BCL6: variants seen among roughly 807,000 people sequenced by gnomAD.
The protein encoded by BCL6 is B-cell lymphoma 6 protein.
BCL6 carries 7 observed loss-of-function variants against 59.5 expected under a neutral mutation model. The observed-to-expected ratio is 0.12, with a 90% CI of 0.07 to 0.22. The LOEUF (loss-of-function observed/expected upper bound fraction) is 0.22. Ranked by LOEUF, BCL6 falls within the 10% of genes least tolerant of loss-of-function variation. The pLI, the probability that BCL6 is intolerant of heterozygous loss-of-function variation, is 1.00. For synonymous variants in BCL6, 339 were observed against 349.7 expected (o/e 0.97, Z 0.34); for missense variants, 685 against 939.4 (o/e 0.73, Z 3.54).
At chr3:187,744,988 G>C (rs1576886088) in intron 1 of BCL6, among the ~76,000 whole-genome samples, 3 of 151,726 alleles carry the variant, frequency 2.0e-5, no homozygotes, top group East Asian at 2.0e-4. Context: ...CCCAAGCACT[G>C]TCTCGTCCTC....
intron 1 of BCL6, among the ~76,000 whole-genome samples, chr3:187,745,131 A>G (rs981864387): frequency 2.0e-5 from 3 of 152,234 alleles, no homozygotes; most frequent in South Asian, 2.1e-4. Context: ...AATAATAATA[A>G]TAAATACATA....
rs947567670 is a variant in BCL6, at chr3:187,735,828, TC to T, written c.-49-922del. 2.0e-5 allele frequency among the ~76,000 whole-genome samples: 3 copies of T among 151,178 alleles called. 1 individual carries two copies. The highest frequency in any genetic ancestry group is 4.4e-5 in the Non-Finnish European group (3 of 67,808). On this transcript the variant is annotated intron_variant, in intron 1 of 9. Transcript: ENST00000406870. ...AAATAAAACAATATTTGAACTGTCT[TC>T]CCCCCTTTAAAAAAAAAAAAGCAGA... is the stretch of plus-strand genomic sequence containing the variant.
intron 1 of BCL6, among the ~76,000 whole-genome samples, chr3:187,742,303 A>T (rs1199097978): frequency 6.6e-6 from 1 of 152,202 alleles, no homozygotes; most frequent in Admixed American, 6.5e-5. Flanking sequence ...GGGTTTTGAC[A>T]TCTAGCCGTG....
chr3:187,743,419 A>T (rs890459960), intron 1 of BCL6, among the ~76,000 whole-genome samples: 1 of 151,934 alleles, frequency 6.6e-6, no homozygotes, highest in African/African-American at 2.4e-5. Context: ...GACTTTCAGC[A>T]CCTGGTTTGG....
chr3:187,728,981 A>C, intron 5 of BCL6, 69 bp downstream of exon 5: 2 of 1,499,136 alleles, frequency 1.3e-6, no homozygotes, highest in Non-Finnish European at 1.8e-6. Context: ...CAGGCAAGAA[A>C]AGAAGAAACG....
intron 1 of BCL6, chr3:187,736,152 C>T (rs1274529796): frequency 6.6e-6 from 1 of 152,204 alleles, no homozygotes. Flanking sequence ...TGACATTTCT[C>T]TGTGGTCCCA....
intron 1 of BCL6, among the ~76,000 whole-genome samples, chr3:187,743,958 AC>A (rs1463115467): frequency 6.6e-6 from 1 of 152,238 alleles, no homozygotes; most frequent in Non-Finnish European, 1.5e-5. Context: ...CCCCTCAGCC[AC>A]GGCCACAAAG....
chr3:187,744,285 C>T (rs1711764048), intron 1 of BCL6, among the ~76,000 whole-genome samples: 1 of 152,156 alleles, frequency 6.6e-6, no homozygotes, highest in African/African-American at 2.4e-5. Context: ...TCCCCCCGCA[C>T]ACTGAAAGGC....
At chr3:187,745,040 C>T (rs536442604) in intron 1 of BCL6, among the ~76,000 whole-genome samples, 3 of 152,118 alleles carry the variant, frequency 2.0e-5, no homozygotes, top group Admixed American at 6.5e-5. Flanking sequence ...TCCTCTCCTC[C>T]ACCTCCTTTC....
chr3:187,738,382 C>A (rs1167418946), intron 1 of BCL6, among the ~76,000 whole-genome samples: 1 of 152,158 alleles, frequency 6.6e-6, no homozygotes, highest in Non-Finnish European at 1.5e-5. Context: ...ACAGAAAGCC[C>A]CTTCCGCCTA....
chr3:187,744,640 C>G (rs2108484017), intron 1 of BCL6, among the ~76,000 whole-genome samples: 1 of 152,090 alleles, frequency 6.6e-6, no homozygotes, highest in East Asian at 1.9e-4. Context: ...CTCGGTTCGG[C>G]TCGAAGGCAG....
rs1290042701 is a variant in BCL6 at position 187,729,580 on chromosome 3, G to A, written c.825C>T (p.Tyr275=). The A allele has an allele frequency of 1.9e-6, 3 of 1,614,162 alleles. No individual in the cohort carries two copies. Among genetic ancestry groups the A allele is most frequent in the Non-Finnish European group, 2.5e-6 (3 of 1,180,044 alleles). The change falls in exon 5 of 10, where the codon TAC becomes TAT. Residue 275 remains tyrosine, a synonymous_variant. Transcript: ENST00000406870. The surrounding 1 kb of genome is among the most constrained non-coding windows in gnomAD (Gnocchi z 5.6). The part of the protein sequence containing the change: ...IPEEARSDMH[Y]SVAEGLKPAA... ...CAGGTTTGAGGCCCTCAGCCACACT[G>A]TAGTGCATATCACTTCGTGCCTCTT...
intron 9 of BCL6, among the ~76,000 whole-genome samples, chr3:187,722,968 C>A (rs1450530772): frequency 6.6e-6 from 1 of 152,238 alleles, no homozygotes; most frequent in Non-Finnish European, 1.5e-5. Flanking sequence ...CTTTGAGCCT[C>A]TGTAAGATTT....
At chr3:187,738,246 C>G (rs569195953) in intron 1 of BCL6, among the ~76,000 whole-genome samples, 1 of 152,262 alleles carries the variant, frequency 6.6e-6, no homozygotes, top group African/African-American at 2.4e-5. Flanking sequence ...TTTTTGCCTT[C>G]CATTCTCCCT....
At chr3:187,744,904 A>G (rs781072769) in intron 1 of BCL6, among the ~76,000 whole-genome samples, 14 of 152,168 alleles carry the variant, frequency 9.2e-5, no homozygotes, top group South Asian at 4.1e-4. Context: ...CAGCAGCAGA[A>G]AGAGCGAGAG....
intron 1 of BCL6, chr3:187,736,151 T>C (rs1715272942): frequency 6.6e-6 from 1 of 152,226 alleles, no homozygotes; most frequent in Admixed American, 6.5e-5. Flanking sequence ...CTGACATTTC[T>C]CTGTGGTCCC....
chr3:187,739,597 GCTT>G (rs1470816197), intron 1 of BCL6, among the ~76,000 whole-genome samples: 1 of 152,238 alleles, frequency 6.6e-6, no homozygotes, highest in African/African-American at 2.4e-5. Flanking sequence ...AAGCCTGCAA[GCTT>G]CTAGGAAATG....
At chr3:187,744,690 G>A (rs1312825652) in intron 1 of BCL6, among the ~76,000 whole-genome samples, 1 of 152,166 alleles carries the variant, frequency 6.6e-6, no homozygotes, top group Non-Finnish European at 1.5e-5. Context: ...AGAGCCAGCG[G>A]GGCGAGCGAG....
chr3:187,731,408 A>C (rs1719034755), intron 4 of BCL6, among the ~76,000 whole-genome samples: 1 of 152,094 alleles, frequency 6.6e-6, no homozygotes, highest in South Asian at 2.1e-4. Context: ...AATCAGAAAC[A>C]CTTCCATGGA....
Sources: allele counts gnomAD v4.1 joint callset (sites outside exome capture counted in the v4.1 genomes callset), GRCh38; gene constraint gnomAD v4.1.1; non-coding constraint Gnocchi (gnomAD v3.1); transcripts MANE v1.5; gene names NCBI Gene and HGNC (gene_info 2026-07-23, HGNC 2026-07-21).